The following ZBTB7C variants were observed in gnomAD, a reference collection of about 807,000 sequenced individuals.
The protein encoded by ZBTB7C is zinc finger and BTB domain-containing protein 7C.
In ZBTB7C, 8 loss-of-function variants were observed where a neutral mutation model predicts 25.7. The ratio of observed to expected loss-of-function variants is 0.31; its 90% CI spans 0.18 to 0.56. The LOEUF (loss-of-function observed/expected upper bound fraction) is 0.56. ZBTB7C is among the 20% of genes least tolerant of loss of function. The pLI is 0.91. For missense variants in ZBTB7C, 824 were observed against 855.2 expected, an observed-to-expected ratio of 0.96 and a Z score of 0.46; for synonymous variants, 394 against 369.0, an observed-to-expected ratio of 1.07 and a Z score of -0.78.
rs1318729046 is a variant in ZBTB7C, at chr18:48,029,442, C to G, written c.1678G>C (p.Gly560Arg). ...QFEETQMKLF[G>R]RAQLEAERNA... is the part of the protein sequence containing the mutation. ...CTCTCAGCCTCCAGCTGCGCGCGCC[C>G]GAACAGCTTCATCTGTGTCTCCTCG... The change falls in exon 5 of 5, where the codon GGG (glycine) becomes CGG (arginine). Residue 560 changes from glycine to arginine, a missense_variant. Transcript: ENST00000590800. 1 of 1,594,586 alleles carries G rather than the reference C, an allele frequency of 6.3e-7. No homozygotes were observed. The highest frequency in any genetic ancestry group is 1.1e-5 in the South Asian group (1 of 89,240).
rs144930216 is a variant in ZBTB7C at position 48,267,725 on chromosome 18, G to A, written c.-79+70449C>T. On this transcript the variant is annotated intron_variant, in intron 2 of 4. Coordinates refer to ENST00000590800, the MANE Select transcript of ZBTB7C (RefSeq NM_001318841.2). Reference sequence around the variant, plus strand: ...TCATGAGGGTGGAGCCCTCCTGAATGGGATTAGAACTTTCATAAAAGAGAC... The same window carrying A: ...TCATGAGGGTGGAGCCCTCCTGAATAGGATTAGAACTTTCATAAAAGAGAC... Among the ~76,000 whole-genome samples, 67 of 152,260 alleles carry A rather than the reference G, an allele frequency of 4.4e-4. No individual in the cohort carries two copies. The East Asian group carries it at 8.7e-3, about 20-fold the overall frequency.
chr18:48,091,238 A>AGTTTTTTTTTTT (rs2038401309), intron 3 of ZBTB7C, among the ~76,000 whole-genome samples: 1 of 64,674 alleles, frequency 1.5e-5, no homozygotes, highest in Non-Finnish European at 2.7e-5. Flanking sequence ...TGCCCGGATA[A>AGTTTTTTTTTTT]TTTTTTTTTT....
intron 2 of ZBTB7C, among the ~76,000 whole-genome samples, chr18:48,268,922 A>G (rs1476823630): frequency 1.3e-5 from 2 of 151,088 alleles, no homozygotes; most frequent in Admixed American, 6.6e-5. Flanking sequence ...TCAAGCCACC[A>G]GCAGATTTGA....
intron 3 of ZBTB7C, chr18:48,148,546 C>G (rs932821521): frequency 2.0e-5 from 3 of 152,136 alleles, no homozygotes; most frequent in African/African-American, 4.8e-5. Context: ...CAGCCTGGTA[C>G]CTGGCTTACA....
chr18:48,349,833 G>A (rs145480202), intron 1 of ZBTB7C, among the ~76,000 whole-genome samples: 1 of 152,146 alleles, frequency 6.6e-6, no homozygotes, highest in Admixed American at 6.5e-5. Context: ...TTTAAAGGGA[G>A]GGGGAGAGAG....
intron 2 of ZBTB7C, among the ~76,000 whole-genome samples, chr18:48,267,651 C>T (rs1217772229): frequency 5.3e-5 from 8 of 152,094 alleles, no homozygotes; most frequent in Admixed American, 3.9e-4. Context: ...ATCCTAACTT[C>T]CAAGGAGATG....
At chr18:48,103,027 A>G (rs578052376) in intron 3 of ZBTB7C, among the ~76,000 whole-genome samples, 2 of 147,192 alleles carry the variant, frequency 1.4e-5, no homozygotes, top group Admixed American at 6.8e-5. Context: ...TGGATATATT[A>G]TATATATATA....
intron 2 of ZBTB7C, among the ~76,000 whole-genome samples, chr18:48,310,672 G>A (rs75609830): frequency 0.034 from 5,222 of 152,276 alleles, 170 homozygotes; most frequent in African/African-American, 0.084. Context: ...CTGGATTTTT[G>A]TTCAGAACAC....
chr18:48,070,818 T>C (rs2037514675), intron 3 of ZBTB7C, among the ~76,000 whole-genome samples: 1 of 152,238 alleles, frequency 6.6e-6, no homozygotes. Flanking sequence ...CCCATGTTTC[T>C]GCTCTGATCC....
intron 3 of ZBTB7C, among the ~76,000 whole-genome samples, chr18:48,165,924 C>G (rs1328275762): frequency 3.3e-5 from 5 of 152,220 alleles, no homozygotes; most frequent in African/African-American, 4.8e-5. Flanking sequence ...TGATCTTTCC[C>G]TCTTTTTAAA....
At chr18:48,345,693 C>G (rs570181486) in intron 1 of ZBTB7C, among the ~76,000 whole-genome samples, 4 of 151,894 alleles carry the variant, frequency 2.6e-5, no homozygotes, top group Non-Finnish European at 5.9e-5. Flanking sequence ...GCTCCGACCT[C>G]TGGGAGGCTG....
intron 2 of ZBTB7C, among the ~76,000 whole-genome samples, chr18:48,246,560 T>C (rs114943753): frequency 6.6e-6 from 1 of 151,528 alleles, no homozygotes; most frequent in African/African-American, 2.4e-5. Flanking sequence ...TAAGAAAAAA[T>C]GTAGTTGTCT....
chr18:48,283,308 T>C (rs1279224675), intron 2 of ZBTB7C, among the ~76,000 whole-genome samples: 1 of 152,180 alleles, frequency 6.6e-6, no homozygotes, highest in Non-Finnish European at 1.5e-5. Flanking sequence ...ACTAAATGCA[T>C]TTTATAAAAT....
At chr18:48,379,552 C>A (rs2047591440) in intron 1 of ZBTB7C, among the ~76,000 whole-genome samples, 1 of 152,068 alleles carries the variant, frequency 6.6e-6, no homozygotes, top group African/African-American at 2.4e-5. Flanking sequence ...CTATTTTTAT[C>A]AGTTGTGCTT....
intron 3 of ZBTB7C, among the ~76,000 whole-genome samples, chr18:48,145,217 T>C (rs1403573626): frequency 6.6e-6 from 1 of 152,220 alleles, no homozygotes; most frequent in African/African-American, 2.4e-5. Flanking sequence ...TCCTTTCTTG[T>C]TGGCATAATT....
chr18:48,183,320 G>C (rs550676999), intron 3 of ZBTB7C, among the ~76,000 whole-genome samples: 82 of 152,296 alleles, frequency 5.4e-4, no homozygotes, highest in African/African-American at 1.9e-3. Context: ...TCATTGGAAA[G>C]TAACACAAAA....
At chr18:48,150,762 G>A (rs2040652327) in intron 3 of ZBTB7C, 1 of 152,134 alleles carries the variant, frequency 6.6e-6, no homozygotes, top group Non-Finnish European at 1.5e-5. Flanking sequence ...GATTTACCTA[G>A]CAGTGAGTTC....
chr18:48,352,302 G>C (rs2046881992), intron 1 of ZBTB7C, among the ~76,000 whole-genome samples: 2 of 152,208 alleles, frequency 1.3e-5, no homozygotes. Flanking sequence ...GTGACTACCT[G>C]CCTTGCCAGT....
intron 3 of ZBTB7C, among the ~76,000 whole-genome samples, chr18:48,069,537 C>T (rs1179729360): frequency 1.3e-5 from 2 of 152,324 alleles, no homozygotes; most frequent in African/African-American, 4.8e-5. Flanking sequence ...TGAGAGCTCA[C>T]AGAACATGCC....
Sources: allele counts gnomAD v4.1 joint callset (sites outside exome capture counted in the v4.1 genomes callset), GRCh38; gene constraint gnomAD v4.1.1; transcripts MANE v1.5; gene names NCBI Gene and HGNC (gene_info 2026-07-23, HGNC 2026-07-21).